THSD7B: variants seen among roughly 807,000 people sequenced by gnomAD.
THSD7B encodes thrombospondin type 1 domain containing 7B, also known as thrombospondin type-1 domain-containing protein 7B.
Under a neutral mutation model 213.6 loss-of-function variants are expected in THSD7B, and 138 were observed. The observed-to-expected ratio is 0.65, with a 90% CI of 0.56 to 0.74. The LOEUF is 0.74. THSD7B is among the 30% of genes least tolerant of loss of function. The pLI is 0.00. For synonymous variants in THSD7B, 742 were observed against 687.0 expected (o/e 1.08, Z -1.25); for missense variants, 1,931 against 1,991.5 (o/e 0.97, Z 0.58).
At chr2:137,559,348 A>C (rs1008376932) in intron 15 of THSD7B, among the ~76,000 whole-genome samples, 1 of 152,160 alleles carries the variant, frequency 6.6e-6, no homozygotes, top group African/African-American at 2.4e-5. Flanking sequence ...ACAGCATGGT[A>C]CTGGTACCAA....
chr2:137,193,595 A>C (rs1334974012), intron 7 of THSD7B, among the ~76,000 whole-genome samples: 4 of 152,118 alleles, frequency 2.6e-5, no homozygotes, highest in Non-Finnish European at 5.9e-5. Context: ...CTGAAGGAAA[A>C]GAATGGTGGC....
rs188887921 is a variant in THSD7B at position 137,604,781 on chromosome 2, C to A, written c.3424-11394C>A. ...TCTAATATCTTTTCCATTTTGGGTA[C>A]AATATAACTATTACCTTAAAAAGTA... On this transcript the variant is annotated intron_variant, in intron 17 of 27. Coordinates refer to ENST00000409968, the MANE Select transcript of THSD7B (RefSeq NM_001316349.2). Among the ~76,000 whole-genome samples the A allele has an allele frequency of 7.9e-5, 12 of 152,126 alleles. No individual in the cohort carries two copies. The East Asian group carries it at 2.3e-3, about 29-fold the overall frequency.
At chr2:137,329,473 C>A (rs1001903120) in intron 12 of THSD7B, among the ~76,000 whole-genome samples, 2 of 152,122 alleles carry the variant, frequency 1.3e-5, no homozygotes, top group African/African-American at 4.8e-5. Context: ...TCAAGCAATT[C>A]TCTTACCTCA....
chr2:137,554,561 G>A (rs1006784394), intron 15 of THSD7B, among the ~76,000 whole-genome samples: 5 of 152,112 alleles, frequency 3.3e-5, no homozygotes, highest in Non-Finnish European at 7.4e-5. Context: ...GGCTAAAAGA[G>A]GGGAGGCGGT....
chr2:137,598,505 C>T (rs796955242), intron 17 of THSD7B, among the ~76,000 whole-genome samples: 5 of 152,326 alleles, frequency 3.3e-5, no homozygotes, highest in African/African-American at 1.2e-4. Context: ...AACATTTACA[C>T]TGGCTTGTAC....
chr2:136,975,044 G>GT (rs144154932), intron 2 of THSD7B, among the ~76,000 whole-genome samples: 1,446 of 134,802 alleles, frequency 0.011, 7 homozygotes, highest in Non-Finnish European at 0.013. Flanking sequence ...TTAATGGTTT[G>GT]TTTTTTTTTT....
intron 3 of THSD7B, among the ~76,000 whole-genome samples, chr2:137,058,620 A>G (rs1687211658): frequency 6.6e-6 from 1 of 152,208 alleles, no homozygotes; most frequent in African/African-American, 2.4e-5. Context: ...AGTTACATAC[A>G]CAAACATTGA....
chr2:136,806,414 A>G (rs1442116803), intron 1 of THSD7B, among the ~76,000 whole-genome samples: 1 of 152,240 alleles, frequency 6.6e-6, no homozygotes, highest in Non-Finnish European at 1.5e-5. Context: ...GAGAGTAAGT[A>G]TGATAATCCA....
chr2:137,377,698 T>G (rs1685690138), intron 12 of THSD7B, among the ~76,000 whole-genome samples: 1 of 151,908 alleles, frequency 6.6e-6, no homozygotes, highest in Non-Finnish European at 1.5e-5. Flanking sequence ...GCGATCCTGA[T>G]TCACGGCAAC....
At chr2:137,144,620 A>T (rs1439089053) in intron 5 of THSD7B, among the ~76,000 whole-genome samples, 1 of 151,972 alleles carries the variant, frequency 6.6e-6, no homozygotes, top group Non-Finnish European at 1.5e-5. Flanking sequence ...TGACAAAAAG[A>T]CCTGTGTTGT....
intron 2 of THSD7B, among the ~76,000 whole-genome samples, chr2:136,896,364 G>A (rs1683960296): frequency 6.6e-6 from 1 of 152,132 alleles, no homozygotes; most frequent in Non-Finnish European, 1.5e-5. Flanking sequence ...TTGGTGAAAT[G>A]TTTATGTACA....
At chr2:137,095,939 C>A (rs971927136) in intron 4 of THSD7B, among the ~76,000 whole-genome samples, 1 of 152,214 alleles carries the variant, frequency 6.6e-6, no homozygotes, top group East Asian at 1.9e-4. Context: ...TGGGCTTAAG[C>A]GATACTCCCA....
At chr2:137,058,478 T>C (rs1056828343) in intron 3 of THSD7B, among the ~76,000 whole-genome samples, 4 of 152,166 alleles carry the variant, frequency 2.6e-5, no homozygotes, top group Non-Finnish European at 5.9e-5. Flanking sequence ...ATTTTTCAGA[T>C]CAATTTTTAA....
Position 136,765,545 on chromosome 2 carries a change from A to C in THSD7B, c.-178A>C, listed in dbSNP as rs1364446100. 9.2e-6 allele frequency: 1 copy of C among 109,178 alleles called. No individual in the cohort carries two copies. Among genetic ancestry groups the C allele is most frequent in the Admixed American group, 1.0e-4 (1 of 9,530 alleles). 6.8% of individuals were successfully genotyped at this position (109,178 alleles called of 1,614,324 possible). A position where few individuals can be genotyped will look rare whatever the true frequency, so the allele number is the denominator to read the frequency against. On this transcript the variant is annotated 5_prime_UTR_variant, in exon 1 of 28. Coordinates refer to ENST00000409968, the MANE Select transcript of THSD7B (RefSeq NM_001316349.2). ...CTTCTCTTCCTCCTCCTCCTCCTTC[A>C]GTGCTGAGGAGCCAGAGTCGCCGCC...
intron 1 of THSD7B, among the ~76,000 whole-genome samples, chr2:136,807,804 C>T (rs970829519): frequency 6.6e-6 from 1 of 152,190 alleles, no homozygotes; most frequent in Non-Finnish European, 1.5e-5. Context: ...CCACACCTGG[C>T]CACAAAATGT....
chr2:137,548,573 T>C (rs112946542), intron 15 of THSD7B, among the ~76,000 whole-genome samples: 1 of 152,012 alleles, frequency 6.6e-6, no homozygotes, highest in African/African-American at 2.4e-5. Context: ...TGTCCACAAA[T>C]AAAATTTTAC....
chr2:136,812,925 G>A (rs1630603), intron 1 of THSD7B, among the ~76,000 whole-genome samples: 45,036 of 152,100 alleles, frequency 0.3, 7,095 homozygotes, highest in Non-Finnish European at 0.34. Flanking sequence ...CATATAAGTA[G>A]TCATTACTGG....
At chr2:137,546,093 A>G (rs1680702853) in intron 15 of THSD7B, among the ~76,000 whole-genome samples, 1 of 151,000 alleles carries the variant, frequency 6.6e-6, no homozygotes, top group Non-Finnish European at 1.5e-5. Context: ...ATTCATATCT[A>G]TCTGAGAAAT....
intron 12 of THSD7B, among the ~76,000 whole-genome samples, chr2:137,306,868 C>A (rs921714037): frequency 1.1e-4 from 16 of 151,820 alleles, no homozygotes; most frequent in Admixed American, 4.6e-4. Flanking sequence ...CTGATTGTTC[C>A]TTTTACAAAA....
Sources: gnomAD v4.1 joint callset for allele counts (sites outside exome capture counted in the v4.1 genomes callset) on GRCh38, gnomAD v4.1.1 for gene constraint, MANE v1.5 for transcripts, NCBI Gene and HGNC (gene_info 2026-07-23, HGNC 2026-07-21) for gene names.